MEGF10: variants seen among roughly 807,000 people sequenced by gnomAD.
MEGF10 encodes the protein multiple epidermal growth factor-like domains protein 10.
A neutral mutation model predicts 147.5 loss-of-function variants in MEGF10; 86 were observed. That is an observed-to-expected ratio of 0.58 (90% CI 0.49 to 0.70). The LOEUF (loss-of-function observed/expected upper bound fraction) is 0.70. MEGF10 is among the 30% of genes least tolerant of loss of function. The pLI is 0.00. For missense variants in MEGF10, 1,329 were observed against 1,487.3 expected, an observed-to-expected ratio of 0.89 and a Z score of 1.75; for synonymous variants, 478 against 525.5, an observed-to-expected ratio of 0.91 and a Z score of 1.24.
At chr5:127,317,291 G>C (rs1760596898) in intron 1 of MEGF10, among the ~76,000 whole-genome samples, 1 of 152,192 alleles carries the variant, frequency 6.6e-6, no homozygotes, top group African/African-American at 2.4e-5. Context: ...TCTGATGGTA[G>C]TTTCTTTTGC....
intron 4 of MEGF10, among the ~76,000 whole-genome samples, chr5:127,364,324 T>C (rs1029325916): frequency 5.3e-5 from 8 of 152,216 alleles, no homozygotes; most frequent in African/African-American, 1.7e-4. Flanking sequence ...TCTATCCATA[T>C]GGAATTGTCC....
intron 1 of MEGF10, among the ~76,000 whole-genome samples, chr5:127,329,388 C>T (rs758212734): frequency 5.3e-5 from 8 of 151,774 alleles, no homozygotes; most frequent in South Asian, 2.1e-4. Context: ...TTTCTTTTAG[C>T]CTTTGTTGAG....
chr5:127,292,955 T>G (rs865831315), intron 1 of MEGF10, among the ~76,000 whole-genome samples: 31 of 152,332 alleles, frequency 2.0e-4, no homozygotes, highest in Middle Eastern at 6.8e-3. Flanking sequence ...ATCCCAAGTA[T>G]TTTTAGCTAC....
In MEGF10 at chr5:127,449,120, G is replaced by A. The variant is rs1280192213; in HGVS notation, c.2878G>A (p.Val960Met). The A allele has an allele frequency of 6.2e-7, 1 of 1,614,098 alleles. No individual in the cohort carries two copies. Among genetic ancestry groups the A allele is most frequent in the South Asian group, 1.1e-5 (1 of 91,060 alleles). ...VTKSKNNQLFVNLKNVNPGKR... is the reference protein window; with the variant it reads ...VTKSKNNQLFMNLKNVNPGKR... ...ACAGTCAAAAAACAATCAACTGTTT[G>A]TGAATCTTAAAAATGTGAACCCTGG... Residue 960 changes from valine (V) to methionine (M), a missense_variant, in exon 22 of 25, where the codon GTG becomes ATG. Coordinates refer to ENST00000503335, the MANE Select transcript of MEGF10 (RefSeq NM_001256545.2).
At chr5:127,378,777 G>A (rs1763132959) in intron 5 of MEGF10, among the ~76,000 whole-genome samples, 1 of 152,020 alleles carries the variant, frequency 6.6e-6, no homozygotes, top group Non-Finnish European at 1.5e-5. Flanking sequence ...TTAAATGGAG[G>A]CTCTCTTTGT....
rs374468067 is a variant in MEGF10 at position 127,312,695 on chromosome 5, T to C, written c.-18-18596T>C. Reference sequence around the variant, plus strand: ...CCAAACCATATGCAGAATCCTGGGGTACAACCAGTTTCCTATAAGTACCTT... The same window carrying C: ...CCAAACCATATGCAGAATCCTGGGGCACAACCAGTTTCCTATAAGTACCTT... On this transcript the variant is annotated intron_variant, in intron 1 of 24. Coordinates refer to ENST00000503335, the MANE Select transcript of MEGF10 (RefSeq NM_001256545.2). Among the ~76,000 whole-genome samples, 4 of 152,336 alleles carry C rather than the reference T, an allele frequency of 2.6e-5. No homozygotes were observed. In the East Asian group the frequency reaches 5.8e-4, roughly 22 times the overall value.
At chr5:127,437,894 A>C (rs889250465) in intron 16 of MEGF10, among the ~76,000 whole-genome samples, 2 of 152,142 alleles carry the variant, frequency 1.3e-5, no homozygotes, top group African/African-American at 4.8e-5. Context: ...CATTTTCCAC[A>C]CCTTATCTCT....
chr5:127,365,112 G>A (rs553859850), intron 4 of MEGF10, among the ~76,000 whole-genome samples: 7 of 152,140 alleles, frequency 4.6e-5, no homozygotes, highest in Non-Finnish European at 7.4e-5. Flanking sequence ...TGCTCATAGC[G>A]TCAGAATAAA....
chr5:127,454,588 C>G lies in MEGF10; in HGVS notation c.3003C>G (p.Ser1001Arg), dbSNP rs35159176. The change falls in exon 23 of 25, where the codon AGC becomes AGG. Residue 1001 changes from serine (S) to arginine (R), a missense_variant. Transcript: ENST00000503335. ...NELGAFGLDR[S>R]YMGKSLKDLG... ...CAGGTGCTTTTGGACTTGACAGAAG[C>G]TATATGGGAAAATCCTTAAAAGGTA... 2.5e-6 allele frequency: 4 copies of G among 1,607,696 alleles called. No individual in the cohort carries two copies. The highest frequency in any genetic ancestry group is 3.4e-6 in the Non-Finnish European group (4 of 1,177,622).
intron 1 of MEGF10, among the ~76,000 whole-genome samples, chr5:127,299,308 A>T (rs991541785): frequency 6.6e-6 from 1 of 152,180 alleles, no homozygotes; most frequent in African/African-American, 2.4e-5. Context: ...TCCCTTCCAG[A>T]TCTAGATAGC....
At chr5:127,323,874 C>G (rs1174027100) in intron 1 of MEGF10, among the ~76,000 whole-genome samples, 1 of 152,178 alleles carries the variant, frequency 6.6e-6, no homozygotes, top group Non-Finnish European at 1.5e-5. Flanking sequence ...AGCAGGAGGC[C>G]TCAGTTCCTT....
chr5:127,243,404 A>G, the MEGF10 span, among the ~76,000 whole-genome samples: 3 of 152,296 alleles, frequency 2.0e-5, no homozygotes, highest in Non-Finnish European at 1.5e-5. Flanking sequence ...ATCCCTCCCA[A>G]AAAAGCTCTC....
chr5:127,444,964 A>G (rs1490751169), intron 19 of MEGF10, among the ~76,000 whole-genome samples: 1 of 152,252 alleles, frequency 6.6e-6, no homozygotes, highest in Non-Finnish European at 1.5e-5. Flanking sequence ...GTATTGAATA[A>G]TAAATAAAGC....
At chr5:127,396,873 T>C (rs1580813386) in intron 6 of MEGF10, 95 bp downstream of exon 6, 2 of 1,532,568 alleles carry the variant, frequency 1.3e-6, no homozygotes, top group Non-Finnish European at 1.8e-6. Context: ...TCAGTTTGCA[T>C]TGCTGCCTGA....
At chr5:127,422,596 C>T (rs1450229483) in intron 12 of MEGF10, 74 bp from the exon 13 acceptor site, 1 of 1,097,896 alleles carries the variant, frequency 9.1e-7, no homozygotes, top group African/African-American at 1.5e-5. Flanking sequence ...AAATGGCTGA[C>T]AGTGGCCTTT....
rs1375031589 is a variant in MEGF10 at position 127,441,758 on chromosome 5, C to A, written c.2362+891C>A. Among the ~76,000 whole-genome samples the A allele has an allele frequency of 2.0e-5, 3 of 152,024 alleles. 1 individual carries two copies. The highest frequency in any genetic ancestry group is 7.2e-5 in the African/African-American group (3 of 41,384). On this transcript the variant is annotated intron_variant, in intron 18 of 24. Transcript: ENST00000503335. ...ATTATGGCCATAGGAGTGGTGTGGC[C>A]TGGAAAGATTGATCAGGATAGCAGG...
the MEGF10 span, among the ~76,000 whole-genome samples, chr5:127,236,623 AC>A: frequency 1.3e-5 from 2 of 152,082 alleles, no homozygotes; most frequent in Non-Finnish European, 2.9e-5. Flanking sequence ...ACCCTCTCCC[AC>A]TATTCCATGC....
In MEGF10 at chr5:127,447,541, C is replaced by T. The variant is rs1218142076; in HGVS notation, c.2729-16C>T. 1 of 1,613,764 alleles carries T rather than the reference C, an allele frequency of 6.2e-7. No individual in the cohort carries two copies. Among genetic ancestry groups the T allele is most frequent in the Non-Finnish European group, 8.5e-7 (1 of 1,179,866 alleles). Reference sequence around the variant, plus strand: ...TGGGAGCCTGCTGCCTTAACCATTTCCTTCCCTTCTTGCAGGAACCCTTCC... The same window carrying T: ...TGGGAGCCTGCTGCCTTAACCATTTTCTTCCCTTCTTGCAGGAACCCTTCC... On this transcript the variant is annotated splice_polypyrimidine_tract_variant and intron_variant, in intron 20 of 24. Coordinates refer to ENST00000503335, the MANE Select transcript of MEGF10 (RefSeq NM_001256545.2).
chr5:127,354,244 G>A lies in MEGF10; in HGVS notation c.319+13614G>A, dbSNP rs78633278. On this transcript the variant is annotated intron_variant, in intron 4 of 24. Transcript: ENST00000503335. ...GGGTTTTAAGCCCAAATTTTGAGGC[G>A]AGGGCTTAAAAAACACCTGCAGTTC... is the stretch of plus-strand genomic sequence containing the variant. Among the ~76,000 whole-genome samples, 985 of 152,188 alleles carry A rather than the reference G, an allele frequency of 6.5e-3. 12 individuals are homozygous for A. The highest frequency in any genetic ancestry group is 0.022 in the African/African-American group (934 of 41,518).
Sources: allele counts gnomAD v4.1 joint callset (sites outside exome capture counted in the v4.1 genomes callset), GRCh38; gene constraint gnomAD v4.1.1; transcripts MANE v1.5; gene names NCBI Gene and HGNC (gene_info 2026-07-23, HGNC 2026-07-21).